The following G2E3 variants were observed in gnomAD, a reference collection of about 807,000 sequenced individuals.
G2E3 encodes the protein G2/M phase-specific E3 ubiquitin-protein ligase.
A neutral mutation model predicts 92.8 loss-of-function variants in G2E3; 35 were observed. The observed-to-expected ratio is 0.38, with a 90% confidence interval of 0.29 to 0.50. The LOEUF is 0.50. Ranked by LOEUF, G2E3 falls within the 20% of genes least tolerant of loss-of-function variation. The pLI is 0.94. For missense variants in G2E3, 554 were observed against 823.8 expected (o/e 0.67, Z 4.01); for synonymous variants, 242 against 272.4 (o/e 0.89, Z 1.10).
At chr14:30,577,456 G>A (rs566002449) in intron 1 of G2E3, among the ~76,000 whole-genome samples, 2 of 152,276 alleles carry the variant, frequency 1.3e-5, no homozygotes, top group East Asian at 3.9e-4. Context: ...TAGCTGTGTG[G>A]TTCTGGCTTA....
At chr14:30,571,333 C>T (rs1036218020) in intron 1 of G2E3, among the ~76,000 whole-genome samples, 1 of 151,726 alleles carries the variant, frequency 6.6e-6, no homozygotes, top group African/African-American at 2.4e-5. Context: ...GAGTTGTAAG[C>T]ATTCTTTATG....
chr14:30,579,097 T>G (rs1880283964), intron 1 of G2E3, among the ~76,000 whole-genome samples: 1 of 152,134 alleles, frequency 6.6e-6, no homozygotes, highest in South Asian at 2.1e-4. Flanking sequence ...TGTTTGAGAA[T>G]GTATAAACAT....
intron 12 of G2E3, among the ~76,000 whole-genome samples, chr14:30,608,892 G>C (rs548882194): frequency 6.6e-6 from 1 of 152,262 alleles, no homozygotes; most frequent in South Asian, 2.1e-4. Context: ...TGAGTCACAA[G>C]AATAATTTGA....
chr14:30,560,304 A>C (rs926048531), intron 1 of G2E3: 7 of 153,368 alleles, frequency 4.6e-5, no homozygotes, highest in African/African-American at 1.7e-4. Context: ...ATACGAAAAG[A>C]TATTTTAAGT....
intron 9 of G2E3, 49 bp from the exon 10 acceptor site, chr14:30,601,950 G>GT: frequency 6.2e-7 from 1 of 1,605,154 alleles, no homozygotes; most frequent in Non-Finnish European, 8.5e-7. Context: ...TGATTTAAAA[G>GT]TTTTTACCTA....
Position 30,592,850 on chromosome 14 carries a change from A to G in G2E3, c.362+403A>G, listed in dbSNP as rs143257941. Among the ~76,000 whole-genome samples the G allele has an allele frequency of 3.3e-3, 504 of 152,292 alleles. 2 individuals carry two copies. Among genetic ancestry groups the G allele is most frequent in the African/African-American group, 0.011 (478 of 41,570 alleles). On this transcript the variant is annotated intron_variant, in intron 5 of 14. Transcript: ENST00000206595. ...AAGGCATGTAAATTTGATTGAGTAC[A>G]CAAAGTAAATATTATGCCCTAGGAT... is the stretch of plus-strand genomic sequence containing the variant.
intron 1 of G2E3, among the ~76,000 whole-genome samples, chr14:30,571,423 TTAAC>T (rs1266803379): frequency 2.6e-5 from 4 of 152,088 alleles, no homozygotes; most frequent in Non-Finnish European, 5.9e-5. Flanking sequence ...TTTTCTTTGC[TTAAC>T]TATGTTTTTT....
At chr14:30,600,447 C>A (rs947964683) in intron 8 of G2E3, among the ~76,000 whole-genome samples, 1 of 152,006 alleles carries the variant, frequency 6.6e-6, no homozygotes, top group African/African-American at 2.4e-5. Context: ...ATCTAGTGAC[C>A]CTGATTATTC....
rs1049707275 is a variant in G2E3, at chr14:30,617,582, T to C, written c.*1048T>C. The C allele has an allele frequency of 3.9e-5, 6 of 152,082 alleles. No individual in the cohort carries two copies. The highest frequency in any genetic ancestry group is 1.4e-4 in the African/African-American group (6 of 41,434). The allele number at this position is 152,082 out of a possible 1,614,324, so 9.4% of individuals were successfully genotyped here. Reference sequence around the variant, plus strand: ...CCATAGCATTATACAGTTATCTTCATTGCTCTTGAATGATATCTGTTATAT... The same window carrying C: ...CCATAGCATTATACAGTTATCTTCACTGCTCTTGAATGATATCTGTTATAT... On this transcript the variant is annotated 3_prime_UTR_variant, in exon 15 of 15. Coordinates refer to ENST00000206595, the MANE Select transcript of G2E3 (RefSeq NM_017769.5).
At chr14:30,604,617 C>T (rs1881738540) in intron 10 of G2E3, among the ~76,000 whole-genome samples, 1 of 152,162 alleles carries the variant, frequency 6.6e-6, no homozygotes, top group South Asian at 2.1e-4. Flanking sequence ...TCTGGGAGCA[C>T]ACTTTGTGAC....
chr14:30,575,080 G>A (rs1026267545), intron 1 of G2E3, among the ~76,000 whole-genome samples: 1 of 152,038 alleles, frequency 6.6e-6, no homozygotes, highest in Non-Finnish European at 1.5e-5. Flanking sequence ...AACCTTACCC[G>A]CATCTGTTAT....
chr14:30,592,704 G>T (rs1241315215), intron 5 of G2E3, among the ~76,000 whole-genome samples: 4 of 150,786 alleles, frequency 2.7e-5, no homozygotes, highest in African/African-American at 9.7e-5. Context: ...ACATGAAATT[G>T]TTAATTTATC....
At chr14:30,583,569 T>G (rs1880544782) in intron 2 of G2E3, among the ~76,000 whole-genome samples, 1 of 152,190 alleles carries the variant, frequency 6.6e-6, no homozygotes. Context: ...AATAGACTGG[T>G]GGAATAAGTT....
intron 12 of G2E3, among the ~76,000 whole-genome samples, chr14:30,608,761 T>C (rs927348064): frequency 6.6e-6 from 1 of 152,236 alleles, no homozygotes; most frequent in African/African-American, 2.4e-5. Flanking sequence ...TTAACCTCCC[T>C]CCTACTTAAG....
chr14:30,587,781 T>G (rs899456243), intron 3 of G2E3, among the ~76,000 whole-genome samples: 4 of 152,102 alleles, frequency 2.6e-5, no homozygotes, highest in Non-Finnish European at 4.4e-5. Context: ...AAGCAAGTGA[T>G]GAGAGAGACA....
At position 30,597,437 on chromosome 14, in the gene G2E3, G is replaced by T; in HGVS notation, c.546G>T (p.Ala182=). Residue 182 remains alanine, a synonymous_variant, in exon 7 of 15, where the codon GCG becomes GCT. Transcript: ENST00000206595. ...CACTGTAGGTTCAAGCAATAAATGC[G>T]GGAGTGTTTTTCTTTAGGTGTACAA... is the stretch of plus-strand genomic sequence containing the variant. ...RDCLQVQAIN[A]GVFFFRCTIC... The T allele has an allele frequency of 6.3e-7, 1 of 1,575,500 alleles. No homozygotes were observed. Among genetic ancestry groups the T allele is most frequent in the South Asian group, 1.1e-5 (1 of 90,218 alleles).
In G2E3 at chr14:30,583,643, T is replaced by C. The variant is rs181873175; in HGVS notation, c.37+2527T>C. The stretch of plus-strand genomic sequence containing the variant: ...AACAATGTATTGTGTACTTGAAAAT[T>C]AGTAAATTTTAAGTATTCTCACCAC... On this transcript the variant is annotated intron_variant, in intron 2 of 14. Transcript: ENST00000206595. 8.5e-5 allele frequency among the ~76,000 whole-genome samples: 13 copies of C among 152,314 alleles called. 1 individual carries two copies. Among genetic ancestry groups the C allele is most frequent in the Admixed American group, 7.8e-4 (12 of 15,294 alleles).
intron 5 of G2E3, among the ~76,000 whole-genome samples, chr14:30,592,830 A>T (rs1881086577): frequency 6.6e-6 from 1 of 152,178 alleles, no homozygotes; most frequent in Non-Finnish European, 1.5e-5. Context: ...AATCAAAGGC[A>T]TGTAAATTTG....
Position 30,619,926 on chromosome 14 carries a change from T to C in G2E3, c.*3392T>C, listed in dbSNP as rs1357714364. The C allele has an allele frequency of 6.6e-6, 1 of 152,196 alleles. No homozygotes were observed. Among genetic ancestry groups the C allele is most frequent in the Non-Finnish European group, 1.5e-5 (1 of 68,014 alleles). 9.4% of individuals were successfully genotyped at this position (152,196 alleles called of 1,614,324 possible). ...ACTGAAAGATACAAGATTCCTTTAC[T>C]CTCCACATTTGAGAGATCCTATAAG... On this transcript the variant is annotated 3_prime_UTR_variant, in exon 15 of 15. Coordinates refer to ENST00000206595, the MANE Select transcript of G2E3 (RefSeq NM_017769.5).
Sources: gnomAD v4.1 joint callset for allele counts (sites outside exome capture counted in the v4.1 genomes callset) on GRCh38, gnomAD v4.1.1 for gene constraint, MANE v1.5 for transcripts, NCBI Gene and HGNC (gene_info 2026-07-23, HGNC 2026-07-21) for gene names.